PTER: variants seen among roughly 807,000 people sequenced by gnomAD.
PTER encodes N-acetyltaurine hydrolase.
PTER carries 38 observed loss-of-function variants against 29.6 expected under a neutral mutation model. The ratio of observed to expected loss-of-function variants is 1.28; its 90% CI spans 0.99 to 1.68. The LOEUF (loss-of-function observed/expected upper bound fraction) is 1.68. Ranked by LOEUF, PTER falls within the 40% of genes most tolerant of loss-of-function variation. The pLI is 0.00. For missense variants in PTER, 482 were observed against 427.8 expected, an observed-to-expected ratio of 1.13 and a Z score of -1.12; for synonymous variants, 172 against 154.5, an observed-to-expected ratio of 1.11 and a Z score of -0.84.
intron 1 of PTER, among the ~76,000 whole-genome samples, chr10:16,482,415 T>C (rs1463576996): frequency 6.6e-6 from 1 of 152,210 alleles, no homozygotes; most frequent in Non-Finnish European, 1.5e-5. Context: ...GAATAGTTCC[T>C]AGAATTCGCA....
At chr10:16,461,850 A>G (rs1834624548) in intron 1 of PTER, among the ~76,000 whole-genome samples, 1 of 152,280 alleles carries the variant, frequency 6.6e-6, no homozygotes, top group South Asian at 2.1e-4. Flanking sequence ...GGGTTTCATT[A>G]TATGCATTTC....
chr10:16,463,756 A>G (rs779502202), intron 1 of PTER, among the ~76,000 whole-genome samples: 9 of 152,262 alleles, frequency 5.9e-5, no homozygotes, highest in Admixed American at 1.3e-4. Context: ...GTGTTTATTA[A>G]TAAGTGTTGG....
At chr10:16,444,766 C>A (rs1833962176) in intron 1 of PTER, among the ~76,000 whole-genome samples, 1 of 152,072 alleles carries the variant, frequency 6.6e-6, no homozygotes, top group African/African-American at 2.4e-5. Flanking sequence ...CATTATCTGT[C>A]CATATCTATA....
intron 1 of PTER, among the ~76,000 whole-genome samples, chr10:16,469,134 C>T (rs901525577): frequency 6.6e-6 from 1 of 151,920 alleles, no homozygotes; most frequent in Non-Finnish European, 1.5e-5. Context: ...TGCTGAAGGC[C>T]GAGTAGAAGT....
intron 3 of PTER, among the ~76,000 whole-genome samples, chr10:16,497,527 T>G (rs1255024242): frequency 6.6e-6 from 1 of 152,194 alleles, no homozygotes; most frequent in African/African-American, 2.4e-5. Context: ...ATAGTAGATG[T>G]TCACTGAATT....
intron 1 of PTER, among the ~76,000 whole-genome samples, chr10:16,469,316 A>G (rs1303847771): frequency 6.6e-6 from 1 of 152,172 alleles, no homozygotes; most frequent in African/African-American, 2.4e-5. Flanking sequence ...ATCAGGCTCT[A>G]TGTTCAGATT....
intron 1 of PTER, among the ~76,000 whole-genome samples, chr10:16,456,771 C>G (rs900504332): frequency 2.7e-5 from 4 of 150,648 alleles, no homozygotes; most frequent in African/African-American, 9.8e-5. Flanking sequence ...TGGCTGTGTC[C>G]CCATCCAAAT....
chr10:16,484,265 CCTTA>C (rs1214501638), intron 1 of PTER, 68 bp from the exon 2 acceptor site: 9 of 987,138 alleles, frequency 9.1e-6, no homozygotes, highest in Non-Finnish European at 1.4e-5. Context: ...GCCTCCCACC[CCTTA>C]CGGACAAGAG....
At chr10:16,477,322 A>G (rs981580632) in intron 1 of PTER, among the ~76,000 whole-genome samples, 1 of 141,980 alleles carries the variant, frequency 7.0e-6, no homozygotes, top group African/African-American at 2.8e-5. Context: ...CTGTCTGCAC[A>G]TGCATGTAAA....
At chr10:16,451,993 T>G (rs1158069931) in intron 1 of PTER, among the ~76,000 whole-genome samples, 1 of 152,168 alleles carries the variant, frequency 6.6e-6, no homozygotes, top group African/African-American at 2.4e-5. Flanking sequence ...CCTTTACCAC[T>G]AATTACTTAA....
intron 3 of PTER, among the ~76,000 whole-genome samples, chr10:16,489,204 C>G (rs139665312): frequency 2.0e-5 from 3 of 152,112 alleles, no homozygotes; most frequent in Non-Finnish European, 4.4e-5. Context: ...TGTCACTTAG[C>G]CAATATATTT....
At chr10:16,441,902 T>C (rs1833863191) in intron 1 of PTER, among the ~76,000 whole-genome samples, 1 of 152,016 alleles carries the variant, frequency 6.6e-6, no homozygotes, top group Admixed American at 6.6e-5. Context: ...TTTTTTTTCC[T>C]GTTCCCTACT....
chr10:16,492,866 A>G (rs114320819), intron 3 of PTER, among the ~76,000 whole-genome samples: 7 of 152,366 alleles, frequency 4.6e-5, no homozygotes, highest in East Asian at 1.9e-4. Context: ...CTGAAAGACA[A>G]CAAGAGGGAA....
At chr10:16,461,704 A>G (rs1834619454) in intron 1 of PTER, among the ~76,000 whole-genome samples, 1 of 152,190 alleles carries the variant, frequency 6.6e-6, no homozygotes, top group African/African-American at 2.4e-5. Flanking sequence ...CGACCTCTAG[A>G]GCAATTTTTC....
chr10:16,479,406 G>A lies in PTER; in HGVS notation c.-48-4931G>A, dbSNP rs150886993. ...ACTCCTGGTGTCACCGTTGGTCAGT[G>A]TCCAGGCCCAGGCTGCTTCAAAGAA... On this transcript the variant is annotated intron_variant, in intron 1 of 4. Coordinates refer to ENST00000535784, the MANE Select transcript of PTER (RefSeq NM_001261836.2). Among the ~76,000 whole-genome samples the A allele has an allele frequency of 5.4e-3, 817 of 152,158 alleles. 6 individuals carry two copies. Among genetic ancestry groups the A allele is most frequent in the African/African-American group, 0.019 (780 of 41,500 alleles).
chr10:16,488,865 A>T (rs1835797387), intron 3 of PTER, among the ~76,000 whole-genome samples: 1 of 152,162 alleles, frequency 6.6e-6, no homozygotes, highest in African/African-American at 2.4e-5. Flanking sequence ...TGGCCTCTCA[A>T]AGTTCTGGGA....
chr10:16,504,971 G>A, intron 3 of PTER, 49 bp from the exon 4 acceptor site: 1 of 1,603,564 alleles, frequency 6.2e-7, no homozygotes. Context: ...ATGTACATGT[G>A]GAAAATGGGC....
intron 1 of PTER, among the ~76,000 whole-genome samples, chr10:16,439,293 CT>C (rs1369156689): frequency 6.6e-6 from 1 of 152,096 alleles, no homozygotes; most frequent in Non-Finnish European, 1.5e-5. Flanking sequence ...CAAATTTCCC[CT>C]TCCCTGTGAA....
rs149750912 is a variant in PTER at position 16,454,945 on chromosome 10, C to G, written c.-49+17898C>G. Among the ~76,000 whole-genome samples the G allele has an allele frequency of 1.7e-3, 256 of 152,248 alleles. 1 individual carries two copies. Among genetic ancestry groups the G allele is most frequent in the African/African-American group, 5.8e-3 (242 of 41,538 alleles). ...CGAAATAAGTTACCTAAAGACTAAACTGGCCAGGTGCAGTGGCTCATGCCT... is the reference window on the plus strand; with the variant it reads ...CGAAATAAGTTACCTAAAGACTAAAGTGGCCAGGTGCAGTGGCTCATGCCT... On this transcript the variant is annotated intron_variant, in intron 1 of 4. Transcript: ENST00000535784.
Sources: gnomAD v4.1 joint callset for allele counts (sites outside exome capture counted in the v4.1 genomes callset) on GRCh38, gnomAD v4.1.1 for gene constraint, MANE v1.5 for transcripts, NCBI Gene and HGNC (gene_info 2026-07-23, HGNC 2026-07-21) for gene names.